TRAPPC9: variants seen among roughly 807,000 people sequenced by gnomAD.
The protein encoded by TRAPPC9 is IKK2 binding protein.
In TRAPPC9, 83 loss-of-function variants were observed where a neutral mutation model predicts 124.0. That is an observed-to-expected ratio of 0.67 (90% CI 0.56 to 0.80). The LOEUF (loss-of-function observed/expected upper bound fraction) is 0.80. Among genes scored for constraint, TRAPPC9 ranks in the 30% least tolerant of loss-of-function variants. The pLI is 0.00. For missense variants in TRAPPC9, 1,302 were observed against 1,508.3 expected (o/e 0.86, Z 2.27); for synonymous variants, 638 against 617.5 (o/e 1.03, Z -0.49).
At chr8:140,300,177 A>G (rs1029745212) in intron 11 of TRAPPC9, among the ~76,000 whole-genome samples, 2 of 152,228 alleles carry the variant, frequency 1.3e-5, no homozygotes, top group East Asian at 3.8e-4. Flanking sequence ...ACACACGCAC[A>G]CACACGCACA....
intron 21 of TRAPPC9, among the ~76,000 whole-genome samples, chr8:139,758,977 G>C (rs556755797): frequency 6.6e-6 from 1 of 152,324 alleles, no homozygotes; most frequent in South Asian, 2.1e-4. Flanking sequence ...CCCTGGCACT[G>C]AACCCAAGAC....
intron 21 of TRAPPC9, among the ~76,000 whole-genome samples, chr8:139,846,188 G>C (rs951279197): frequency 9.9e-5 from 15 of 152,264 alleles, no homozygotes; most frequent in African/African-American, 3.6e-4. Context: ...AAGCGGTAGA[G>C]GCTGTGTGAA....
At chr8:140,031,587 A>G (rs1196875852) in intron 17 of TRAPPC9, among the ~76,000 whole-genome samples, 1 of 152,260 alleles carries the variant, frequency 6.6e-6, no homozygotes, top group African/African-American at 2.4e-5. Context: ...TCAAACATTC[A>G]AGACCAAAGG....
chr8:140,252,715 T>C lies in TRAPPC9; in HGVS notation c.2431+62A>G, dbSNP rs2064157276. On this transcript the variant is annotated intron_variant, in intron 16 of 22. Transcript: ENST00000438773. This position sits in a 1 kb window ranked among gnomAD's most constrained non-coding sequence, Gnocchi z 4.2. ...ACAGCAAACAGCAGGCATCAAGGGA[T>C]GGGGGTTGCTACACAGTATCTAGGA... 11 of 1,588,964 alleles carry C rather than the reference T, an allele frequency of 6.9e-6. No individual in the cohort carries two copies. Among genetic ancestry groups the C allele is most frequent in the South Asian group, 4.4e-5 (4 of 90,588 alleles).
intron 21 of TRAPPC9, among the ~76,000 whole-genome samples, chr8:139,743,796 T>C (rs1818711854): frequency 6.6e-6 from 1 of 152,194 alleles, no homozygotes; most frequent in Non-Finnish European, 1.5e-5. Flanking sequence ...TTTCCAATTA[T>C]CTAACATAAC....
intron 10 of TRAPPC9, among the ~76,000 whole-genome samples, chr8:140,303,508 T>C (rs1304660319): frequency 6.6e-6 from 1 of 152,228 alleles, no homozygotes; most frequent in African/African-American, 2.4e-5. Flanking sequence ...TCACTTATAG[T>C]TCTATCAGAA....
chr8:140,333,637 C>T (rs1050758636), intron 9 of TRAPPC9, among the ~76,000 whole-genome samples: 3 of 152,186 alleles, frequency 2.0e-5, no homozygotes, highest in Non-Finnish European at 4.4e-5. Context: ...GTGATCCACC[C>T]GCCTCAGCTT....
chr8:140,125,668 C>T (rs1435896929), intron 17 of TRAPPC9, among the ~76,000 whole-genome samples: 1 of 143,154 alleles, frequency 7.0e-6, no homozygotes, highest in Non-Finnish European at 1.5e-5. Context: ...GATCTCGGCT[C>T]ACCACAAGCT....
In TRAPPC9 at chr8:140,287,651, C is replaced by A. The variant is rs768606436; in HGVS notation, c.1938G>T (p.Thr646=). Residue 646 remains threonine, a synonymous_variant, in exon 13 of 23, where the codon ACG becomes ACT. Coordinates refer to ENST00000438773, the MANE Select transcript of TRAPPC9 (RefSeq NM_001160372.4). The part of the protein sequence containing the change: ...LPAESGLYPV[T]LVGVPQTTGT... ...CAGTCGTCTGCGGGACCCCGACGAGCGTCACTGGGTACAGACCAGATTCAG... is the reference window on the plus strand; with the variant it reads ...CAGTCGTCTGCGGGACCCCGACGAGAGTCACTGGGTACAGACCAGATTCAG... The A allele has an allele frequency of 1.9e-6, 3 of 1,614,054 alleles. No individual in the cohort carries two copies. Among genetic ancestry groups the A allele is most frequent in the Non-Finnish European group, 2.5e-6 (3 of 1,180,038 alleles).
chr8:139,814,131 G>C (rs978119881), intron 21 of TRAPPC9, among the ~76,000 whole-genome samples: 6 of 152,248 alleles, frequency 3.9e-5, no homozygotes, highest in African/African-American at 1.4e-4. Context: ...TCCTCCGGCA[G>C]CCGCCACAGC....
At chr8:139,779,339 T>G (rs1022753082) in intron 21 of TRAPPC9, among the ~76,000 whole-genome samples, 7 of 152,122 alleles carry the variant, frequency 4.6e-5, no homozygotes, top group Non-Finnish European at 1.0e-4. Flanking sequence ...AGCAGCAGAC[T>G]CGCATTATCA....
At chr8:139,905,411 C>T (rs79724480) in intron 20 of TRAPPC9, among the ~76,000 whole-genome samples, 4,848 of 152,258 alleles carry the variant, frequency 0.032, 205 homozygotes, top group African/African-American at 0.099. Context: ...CAGCAGAAGC[C>T]CTCCAACCTG....
At chr8:139,786,116 G>A (rs1425011043) in intron 21 of TRAPPC9, among the ~76,000 whole-genome samples, 8 of 152,036 alleles carry the variant, frequency 5.3e-5, no homozygotes, top group African/African-American at 1.9e-4. Context: ...GCTGAGGTGG[G>A]AGAATCACTT....
At chr8:140,415,605 T>C (rs1271739267) in intron 5 of TRAPPC9, among the ~76,000 whole-genome samples, 1 of 151,572 alleles carries the variant, frequency 6.6e-6, no homozygotes, top group Non-Finnish European at 1.5e-5. Flanking sequence ...AAAAAAGCCA[T>C]AATATACTAA....
Position 139,885,892 on chromosome 8 carries a change from C to A in TRAPPC9, c.3042G>T (p.Ala1014=), listed in dbSNP as rs1232369536. The change falls in exon 21 of 23, where the codon GCG becomes GCT. Residue 1014 remains alanine (A), a synonymous_variant. Transcript: ENST00000438773. ...GCGGGTACTCACCCCACTGCAGAGG[C>A]GCCAGCTGCAGGTGCTCCAGGACGA... is the stretch of plus-strand genomic sequence containing the variant. The part of the protein sequence containing the change: ...NQLVLEHLQL[A]PLQWDVLVDG... The A allele has an allele frequency of 2.6e-6, 4 of 1,565,260 alleles. No individual in the cohort carries two copies. The highest frequency in any genetic ancestry group is 3.5e-6 in the Non-Finnish European group (4 of 1,154,244).
chr8:140,066,373 G>A (rs543299044), intron 17 of TRAPPC9, among the ~76,000 whole-genome samples: 4 of 152,310 alleles, frequency 2.6e-5, no homozygotes, highest in South Asian at 2.1e-4. Context: ...TGAAGATGCC[G>A]ATGGTCATCA....
At chr8:140,350,553 G>A (rs1433688135) in intron 9 of TRAPPC9, among the ~76,000 whole-genome samples, 1 of 152,088 alleles carries the variant, frequency 6.6e-6, no homozygotes, top group Non-Finnish European at 1.5e-5. Context: ...AAGGCAGATG[G>A]GGTCTGCTAG....
chr8:139,750,813 A>C (rs959176735), intron 21 of TRAPPC9, among the ~76,000 whole-genome samples: 1 of 151,902 alleles, frequency 6.6e-6, no homozygotes, highest in Non-Finnish European at 1.5e-5. Flanking sequence ...GCTCACTAAC[A>C]CTCTCAACTG....
Position 140,435,373 on chromosome 8 carries a change from G to A in TRAPPC9, c.731-133C>T, listed in dbSNP as rs887468190. 5 of 1,287,714 alleles carry A rather than the reference G, an allele frequency of 3.9e-6. No individual in the cohort carries two copies. In the Admixed American group the frequency reaches 6.1e-5, roughly 16 times the overall value. The allele number at this position is 1,287,714 out of a possible 1,614,324, so 79.8% of individuals were successfully genotyped here. ...ATGATTTAAACAGGTGGATTATTTG[G>A]AAATGCCAATTTTTCTCCCAAAACA... On this transcript the variant is annotated intron_variant, in intron 3 of 22. Transcript: ENST00000438773.
Sources: gnomAD v4.1 joint callset for allele counts (sites outside exome capture counted in the v4.1 genomes callset) on GRCh38, gnomAD v4.1.1 for gene constraint, Gnocchi (gnomAD v3.1) non-coding constraint, MANE v1.5 for transcripts, NCBI Gene and HGNC (gene_info 2026-07-23, HGNC 2026-07-21) for gene names.